ROCK1: variants seen among roughly 807,000 people sequenced by gnomAD.
The protein encoded by ROCK1 is Rho associated coiled-coil containing protein kinase 1, also known as rho-associated protein kinase 1.
A neutral mutation model predicts 196.8 loss-of-function variants in ROCK1; 36 were observed. That is an observed-to-expected ratio of 0.18 (90% CI 0.14 to 0.24). The LOEUF is 0.24. Ranked by LOEUF, ROCK1 falls within the 10% of genes least tolerant of loss-of-function variation. The pLI, the probability that ROCK1 is intolerant of heterozygous loss-of-function variation, is 1.00. For synonymous variants in ROCK1, 443 were observed against 515.9 expected (o/e 0.86, Z 1.91); for missense variants, 920 against 1,562.0 (o/e 0.59, Z 6.93).
intron 1 of ROCK1, among the ~76,000 whole-genome samples, chr18:21,089,935 C>G (rs1168451148): frequency 6.6e-6 from 1 of 152,180 alleles, no homozygotes; most frequent in East Asian, 1.9e-4. Context: ...TGTTAACAGT[C>G]TTTTCAGATA....
At chr18:21,060,864 T>G (rs1199158255) in intron 2 of ROCK1, among the ~76,000 whole-genome samples, 1 of 138,808 alleles carries the variant, frequency 7.2e-6, no homozygotes, top group Non-Finnish European at 1.5e-5. Context: ...AAAAAAAACC[T>G]AAATTCATGC....
intron 1 of ROCK1, among the ~76,000 whole-genome samples, chr18:21,072,457 T>C (rs1392429020): frequency 6.6e-6 from 1 of 152,202 alleles, no homozygotes; most frequent in African/African-American, 2.4e-5. Context: ...TCCATTTTAA[T>C]GCAGTGGAAA....
At chr18:21,102,051 C>A (rs1010264586) in intron 1 of ROCK1, among the ~76,000 whole-genome samples, 1 of 151,988 alleles carries the variant, frequency 6.6e-6, no homozygotes, top group Admixed American at 6.6e-5. Context: ...CCTACTTCTG[C>A]GTATATTTGA....
chr18:21,048,358 GAGAC>G (rs1260646530), intron 4 of ROCK1, among the ~76,000 whole-genome samples: 1 of 152,070 alleles, frequency 6.6e-6, no homozygotes, highest in Non-Finnish European at 1.5e-5. Context: ...CACAAAATAA[GAGAC>G]AGATAAATGA....
chr18:20,956,620 A>G (rs1343208311), intron 29 of ROCK1, among the ~76,000 whole-genome samples: 2 of 152,304 alleles, frequency 1.3e-5, no homozygotes, highest in East Asian at 1.9e-4. Flanking sequence ...ATGTGGGGGG[A>G]AAAAAGCCAA....
intron 2 of ROCK1, among the ~76,000 whole-genome samples, chr18:21,050,664 C>T (rs1000556202): frequency 6.6e-6 from 1 of 152,160 alleles, no homozygotes; most frequent in African/African-American, 2.4e-5. Context: ...AGTTCCAGTT[C>T]CTAATAAGAG....
chr18:21,095,251 A>G (rs1222862869), intron 1 of ROCK1, among the ~76,000 whole-genome samples: 1 of 152,052 alleles, frequency 6.6e-6, no homozygotes, highest in East Asian at 1.9e-4. Context: ...CTCTCCTACA[A>G]TGTTAACGGG....
intron 16 of ROCK1, among the ~76,000 whole-genome samples, chr18:20,996,772 G>A (rs980979969): frequency 5.3e-5 from 8 of 152,272 alleles, no homozygotes; most frequent in South Asian, 4.1e-4. Context: ...TAGAAGCAAC[G>A]AAAAGTTAAG....
chr18:20,996,797 G>A (rs939089238), intron 16 of ROCK1, among the ~76,000 whole-genome samples: 6 of 152,216 alleles, frequency 3.9e-5, no homozygotes, highest in African/African-American at 1.4e-4. Context: ...AGGGGACTAA[G>A]TTAAAGTGTA....
chr18:21,061,581 G>A (rs2036291408), intron 2 of ROCK1, among the ~76,000 whole-genome samples: 1 of 152,298 alleles, frequency 6.6e-6, no homozygotes, highest in Non-Finnish European at 1.5e-5. Context: ...AAGACCCACA[G>A]AACTATACAC....
At chr18:21,026,445 GAAAAAAAA>G (rs747563785) in intron 10 of ROCK1, among the ~76,000 whole-genome samples, 3 of 35,314 alleles carry the variant, frequency 8.5e-5, no homozygotes, top group South Asian at 1.7e-3. Context: ...ACTCTGTCTC[GAAAAAAAA>G]AAAAAAAAAA....
At chr18:21,001,167 G>A (rs2035720772) in intron 16 of ROCK1, among the ~76,000 whole-genome samples, 2 of 152,230 alleles carry the variant, frequency 1.3e-5, no homozygotes, top group South Asian at 4.1e-4. Flanking sequence ...AGTGAAAAAA[G>A]CCTGACACAA....
chr18:20,970,369 A>G lies in ROCK1; in HGVS notation c.2799T>C (p.Asp933=). ...AASRNRQEIT[D]KDHTVSRLEE... The stretch of plus-strand genomic sequence containing the variant: ...TTACCCGACTAACAGTGTGATCTTT[A>G]TCTGTAATCTCTTGTCTATTTCTTG... The change falls in exon 23 of 33, where the codon GAT becomes GAC. Residue 933 remains aspartate (D), a synonymous_variant. Coordinates refer to ENST00000399799, the MANE Select transcript of ROCK1 (RefSeq NM_005406.3). 1.9e-6 allele frequency: 3 copies of G among 1,613,778 alleles called. No individual in the cohort carries two copies. Among genetic ancestry groups the G allele is most frequent in the Non-Finnish European group, 2.5e-6 (3 of 1,179,768 alleles).
At chr18:21,041,273 A>T (rs1166406589) in intron 8 of ROCK1, among the ~76,000 whole-genome samples, 1 of 148,704 alleles carries the variant, frequency 6.7e-6, no homozygotes, top group Admixed American at 6.7e-5. Context: ...CTCTATTTAA[A>T]AAAAAAAAAA....
chr18:21,097,408 T>C (rs1025441206), intron 1 of ROCK1, among the ~76,000 whole-genome samples: 3 of 152,216 alleles, frequency 2.0e-5, no homozygotes, highest in African/African-American at 7.2e-5. Flanking sequence ...ATCCAACCTA[T>C]ACTATAAAAG....
intron 16 of ROCK1, among the ~76,000 whole-genome samples, chr18:20,997,183 T>TA (rs910176263): frequency 2.7e-5 from 4 of 149,486 alleles, no homozygotes; most frequent in Admixed American, 6.6e-5. Flanking sequence ...AACAAACAAA[T>TA]AAAAAAACAA....
intron 1 of ROCK1, among the ~76,000 whole-genome samples, chr18:21,080,308 G>A (rs2036472378): frequency 6.6e-6 from 1 of 152,082 alleles, no homozygotes; most frequent in South Asian, 2.1e-4. Flanking sequence ...CCATATCCAA[G>A]AAGCCCAGAC....
chr18:21,025,373 T>A (rs2035946980), intron 10 of ROCK1, among the ~76,000 whole-genome samples: 1 of 152,216 alleles, frequency 6.6e-6, no homozygotes, highest in Non-Finnish European at 1.5e-5. Flanking sequence ...AGGTTTTCTA[T>A]TTCATATCTG....
chr18:21,013,211 A>T (rs1309695449), intron 13 of ROCK1, among the ~76,000 whole-genome samples: 1 of 152,158 alleles, frequency 6.6e-6, no homozygotes, highest in Non-Finnish European at 1.5e-5. Flanking sequence ...AACATTCTGG[A>T]TCTTATTTAA....
Sources: gnomAD v4.1 joint callset for allele counts (sites outside exome capture counted in the v4.1 genomes callset) on GRCh38, gnomAD v4.1.1 for gene constraint, MANE v1.5 for transcripts, NCBI Gene and HGNC (gene_info 2026-07-23, HGNC 2026-07-21) for gene names.